PYROXD1: variants seen among roughly 807,000 people sequenced by gnomAD.
PYROXD1 encodes tRNA ligase complex-associated NAD(P)H dehydrogenase PYROXD1.
Under a neutral mutation model 62.0 loss-of-function variants are expected in PYROXD1, and 42 were observed. The observed-to-expected ratio is 0.68, with a 90% CI of 0.53 to 0.88. PYROXD1 has a LOEUF of 0.88. Among genes scored for constraint, PYROXD1 ranks in the 40% least tolerant of loss-of-function variants. The pLI, the probability that PYROXD1 is intolerant of heterozygous loss-of-function variation, is 0.00. For missense variants in PYROXD1, 493 were observed against 604.8 expected (o/e 0.82, Z 1.94); for synonymous variants, 170 against 206.4 (o/e 0.82, Z 1.51).
intron 8 of PYROXD1, 151 bp downstream of exon 8, chr12:21,461,305 ACT>A (rs1942694725): frequency 1.9e-6 from 1 of 519,350 alleles, no homozygotes; most frequent in African/African-American, 2.0e-5. Flanking sequence ...AATAACATTA[ACT>A]CACTTCATTT....
intron 7 of PYROXD1, among the ~76,000 whole-genome samples, chr12:21,459,846 A>T (rs1274906383): frequency 2.0e-5 from 3 of 152,194 alleles, no homozygotes; most frequent in Admixed American, 6.5e-5. Context: ...CAGATCAGGG[A>T]TAGAGCTTTC....
At chr12:21,449,430 C>T in intron 3 of PYROXD1, 133 bp from the exon 4 acceptor site, 1 of 652,092 alleles carries the variant, frequency 1.5e-6, no homozygotes, top group Non-Finnish European at 2.5e-6. Flanking sequence ...TAACAAAGAA[C>T]TGAGTGCCAC....
At chr12:21,440,983 C>T (rs981677848) in intron 2 of PYROXD1, among the ~76,000 whole-genome samples, 8 of 151,986 alleles carry the variant, frequency 5.3e-5, no homozygotes, top group African/African-American at 1.9e-4. Context: ...TATTTTAAGC[C>T]ATCTTTGCAT....
chr12:21,448,196 A>T, intron 3 of PYROXD1: 1 of 613,838 alleles, frequency 1.6e-6, no homozygotes, highest in Non-Finnish European at 3.1e-6. Context: ...CTTCACAGCC[A>T]CCATAGGTTT....
rs1942591589 is a variant in PYROXD1, at chr12:21,456,089, A to C, written c.744A>C (p.Thr248=). 1 of 1,586,674 alleles carries C rather than the reference A, an allele frequency of 6.3e-7. No homozygotes were observed. The highest frequency in any genetic ancestry group is 1.7e-5 in the Admixed American group (1 of 58,266). ...DWHEGLNLKG[T]KEFSHKIHLE... The stretch of plus-strand genomic sequence containing the variant: ...ATGAAGGCTTGAATCTTAAAGGAAC[A>C]AAAGAGGTATCTTTTCATATACTAA... Residue 248 remains threonine, a synonymous_variant, in exon 7 of 12, where the codon ACA becomes ACC. Coordinates refer to ENST00000240651, the MANE Select transcript of PYROXD1 (RefSeq NM_024854.5).
Position 21,452,229 on chromosome 12 carries a change from T to C in PYROXD1, c.488+75T>C, listed in dbSNP as rs571561044. 80 of 934,676 alleles carry C rather than the reference T, an allele frequency of 8.6e-5. No homozygotes were observed. In the African/African-American group the frequency reaches 1.3e-3, roughly 15 times the overall value. The allele number at this position is 934,676 out of a possible 1,614,324, so 57.9% of individuals were successfully genotyped here. A position where few individuals can be genotyped will look rare whatever the true frequency, so the allele number is the denominator to read the frequency against. On this transcript the variant is annotated intron_variant, in intron 5 of 11. Coordinates refer to ENST00000240651, the MANE Select transcript of PYROXD1 (RefSeq NM_024854.5). The stretch of plus-strand genomic sequence containing the variant: ...TTTGTTTTTAAATTAAACAATTGCT[T>C]TGTGATTCTTGTGATTTGTTGGCAG...
intron 5 of PYROXD1, 141 bp downstream of exon 5, chr12:21,452,295 T>C: frequency 1.7e-6 from 1 of 588,436 alleles, no homozygotes; most frequent in Non-Finnish European, 2.6e-6. Flanking sequence ...AAGATAAATA[T>C]AATTTTCATA....
At chr12:21,437,917 T>C in intron 1 of PYROXD1, 103 bp downstream of exon 1, 3 of 1,078,214 alleles carry the variant, frequency 2.8e-6, no homozygotes, top group South Asian at 3.2e-5. Flanking sequence ...TCCGGGTTCC[T>C]TTTTTGCTGC....
chr12:21,455,917 G>A (rs1436947005), intron 6 of PYROXD1, 78 bp from the exon 7 acceptor site: 4 of 810,622 alleles, frequency 4.9e-6, no homozygotes, highest in Non-Finnish European at 8.2e-6. Context: ...TCATTACATT[G>A]CCTAAATAAA....
At chr12:21,444,679 AAGG>A (rs3061475) in intron 2 of PYROXD1, among the ~76,000 whole-genome samples, 74,526 of 151,618 alleles carry the variant, frequency 0.49, 18,335 homozygotes, top group Middle Eastern at 0.58. Context: ...ATGAGACCAA[AAGG>A]TTTGAGAACT....
chr12:21,452,250 G>T, intron 5 of PYROXD1, 96 bp downstream of exon 5: 1 of 817,628 alleles, frequency 1.2e-6, no homozygotes, highest in Non-Finnish European at 1.7e-6. Context: ...GTGATTTGTT[G>T]GCAGACTGGA....
chr12:21,464,248 G>A (rs1430847266), intron 10 of PYROXD1, among the ~76,000 whole-genome samples: 1 of 151,704 alleles, frequency 6.6e-6, no homozygotes, highest in African/African-American at 2.4e-5. Context: ...TGTTTTGAGT[G>A]CACCTTATAG....
At chr12:21,452,221 C>A in intron 5 of PYROXD1, 67 bp downstream of exon 5, 2 of 1,099,838 alleles carry the variant, frequency 1.8e-6, no homozygotes, top group Non-Finnish European at 2.5e-6. Context: ...TTAAATTAAA[C>A]AATTGCTTTG....
At chr12:21,439,196 A>G (rs1027661649) in intron 1 of PYROXD1, among the ~76,000 whole-genome samples, 3 of 152,192 alleles carry the variant, frequency 2.0e-5, no homozygotes, top group Non-Finnish European at 4.4e-5. Flanking sequence ...AAGAATTTAC[A>G]AGTAGTCAAA....
chr12:21,451,227 CTCT>C (rs926865207), intron 4 of PYROXD1, among the ~76,000 whole-genome samples: 2 of 107,694 alleles, frequency 1.9e-5, no homozygotes, highest in Non-Finnish European at 2.0e-5. Context: ...GCTTCTCTCT[CTCT>C]TTTTTTTTTA....
Position 21,456,389 on chromosome 12 carries a change from C to A in PYROXD1, c.750+294C>A, listed in dbSNP as rs4539382. Among the ~76,000 whole-genome samples, 56,660 of 151,878 alleles carry A rather than the reference C, an allele frequency of 0.37. 10,819 individuals carry two copies. The highest frequency in any genetic ancestry group is 0.47 in the Middle Eastern group (139 of 294). On this transcript the variant is annotated intron_variant, in intron 7 of 11. Transcript: ENST00000240651. ...TTGCAGGTTCAGTCCCAGACCATCA[C>A]AGGAAATGATATACCACAATAAAGT... is the stretch of plus-strand genomic sequence containing the variant.
rs1252730738 is a variant in PYROXD1, at chr12:21,471,023, A to G, written c.*2269A>G. 1.3e-6 allele frequency: 2 copies of G among 1,598,914 alleles called. No homozygotes were observed. The highest frequency in any genetic ancestry group is 1.8e-5 in the Admixed American group (1 of 57,094). On this transcript the variant is annotated 3_prime_UTR_variant, in exon 12 of 12. Transcript: ENST00000240651. ...CTTGCATAGTAATAGCATGTGCCTC[A>G]TTGTTCAGAAGATTAGCTTTAGGTC...
chr12:21,457,433 C>CTTTTT (rs202025872), intron 7 of PYROXD1, among the ~76,000 whole-genome samples: 1 of 136,172 alleles, frequency 7.3e-6, no homozygotes, highest in Non-Finnish European at 1.6e-5. Context: ...TGAAATGAAT[C>CTTTTT]TTTTTTTTTT....
intron 2 of PYROXD1, 41 bp downstream of exon 2, chr12:21,440,489 A>G (rs753123259): frequency 8.4e-7 from 1 of 1,190,020 alleles, no homozygotes; most frequent in Non-Finnish European, 1.2e-6. Context: ...AATTTGAAAA[A>G]ATTGCAATAA....
Sources: allele counts gnomAD v4.1 joint callset (sites outside exome capture counted in the v4.1 genomes callset), GRCh38; gene constraint gnomAD v4.1.1; transcripts MANE v1.5; gene names NCBI Gene and HGNC (gene_info 2026-07-23, HGNC 2026-07-21).